DCAF12: variants seen among roughly 807,000 people sequenced by gnomAD.
The protein encoded by DCAF12 is DDB1 and CUL4 associated factor 12.
DCAF12 carries 28 observed loss-of-function variants against 52.8 expected under a neutral mutation model. The ratio of observed to expected loss-of-function variants is 0.53; its 90% CI spans 0.39 to 0.73. The LOEUF (loss-of-function observed/expected upper bound fraction) is 0.73. DCAF12 is among the 30% of genes least tolerant of loss of function. DCAF12 has a pLI of 0.00. For synonymous variants in DCAF12, 196 were observed against 215.5 expected, an observed-to-expected ratio of 0.91 and a Z score of 0.79; for missense variants, 425 against 552.2, an observed-to-expected ratio of 0.77 and a Z score of 2.31.
At position 34,098,337 on chromosome 9, in the gene DCAF12, T is replaced by C; in HGVS notation, c.782A>G (p.Asn261Ser). The change falls in exon 5 of 9, where the codon AAC (asparagine) becomes AGC (serine). Residue 261 changes from asparagine to serine, a missense_variant. Transcript: ENST00000361264. ...ACAAGTTCATACCTTGTTCTTGTTGTTGAAGGCCAGAGCCCGAACCTTGCA... is the reference window on the plus strand; with the variant it reads ...ACAAGTTCATACCTTGTTCTTGTTGCTGAAGGCCAGAGCCCGAACCTTGCA... ...DNCKVRALAFNNKNKELGAVS... is the reference protein window; with the variant it reads ...DNCKVRALAFSNKNKELGAVS... 1 of 1,614,018 alleles carries C rather than the reference T, an allele frequency of 6.2e-7. No individual in the cohort carries two copies. Among genetic ancestry groups the C allele is most frequent in the Non-Finnish European group, 8.5e-7 (1 of 1,179,960 alleles).
At chr9:34,101,958 G>A (rs527963117) in intron 4 of DCAF12, among the ~76,000 whole-genome samples, 31 of 151,078 alleles carry the variant, frequency 2.1e-4, no homozygotes, top group African/African-American at 6.6e-4. Context: ...AGAAGTTGCA[G>A]TGAGCTGAAA....
chr9:34,108,804 A>AAAT (rs1410904584), intron 2 of DCAF12, among the ~76,000 whole-genome samples: 12 of 117,986 alleles, frequency 1.0e-4, no homozygotes, highest in African/African-American at 3.7e-4. Flanking sequence ...AAAAAAAATA[A>AAAT]ATAAATAAAT....
intron 4 of DCAF12, among the ~76,000 whole-genome samples, chr9:34,105,364 T>C (rs995254769): frequency 1.4e-4 from 21 of 152,110 alleles, no homozygotes; most frequent in African/African-American, 4.3e-4. Flanking sequence ...AGTTCAAGGC[T>C]GCAGTGAGCC....
chr9:34,110,539 A>T (rs760792360), intron 2 of DCAF12, among the ~76,000 whole-genome samples: 1 of 152,194 alleles, frequency 6.6e-6, no homozygotes, highest in Non-Finnish European at 1.5e-5. Context: ...CCAGTCCCCA[A>T]CTAAAAAACA....
In DCAF12 at chr9:34,086,797, T is replaced by C. The variant is rs76839219; in HGVS notation, c.*1553A>G. On this transcript the variant is annotated 3_prime_UTR_variant, in exon 9 of 9. Coordinates refer to ENST00000361264, the MANE Select transcript of DCAF12 (RefSeq NM_015397.4). ...GCCCCCCACCATTAAAAGGAGAATA[T>C]ATATATAATTTTTTTTCCAATTTCC... 6.6e-6 allele frequency: 1 copy of C among 152,040 alleles called. No homozygotes were observed. Among genetic ancestry groups the C allele is most frequent in the Non-Finnish European group, 1.5e-5 (1 of 68,006 alleles). 9.4% of individuals were successfully genotyped at this position (152,040 alleles called of 1,614,324 possible).
At chr9:34,091,599 CTTTCCTCCAGCCTGGCTGATAGAGTGAG>C (rs1254573287) in intron 7 of DCAF12, among the ~76,000 whole-genome samples, 1 of 129,766 alleles carries the variant, frequency 7.7e-6, no homozygotes, top group African/African-American at 2.9e-5. Flanking sequence ...GATTGCACCA[CTTTCCTCCAGCCTGGCTGATAGAGTGAG>C]GACCCTGTCT....
intron 8 of DCAF12, among the ~76,000 whole-genome samples, chr9:34,088,836 G>A (rs1292928981): frequency 2.6e-5 from 4 of 152,116 alleles, no homozygotes; most frequent in African/African-American, 9.7e-5. Flanking sequence ...GAGGTGGGGC[G>A]CAGTGGTTCA....
chr9:34,091,704 C>A (rs1257608302), intron 7 of DCAF12, among the ~76,000 whole-genome samples: 1 of 147,956 alleles, frequency 6.8e-6, no homozygotes, highest in African/African-American at 2.5e-5. Context: ...AGTATCTGCA[C>A]AGGAATAAAC....
At chr9:34,120,686 A>C (rs932588889) in intron 2 of DCAF12, among the ~76,000 whole-genome samples, 21 of 148,588 alleles carry the variant, frequency 1.4e-4, no homozygotes, top group Non-Finnish European at 2.7e-4. Context: ...AAAAAAAAAA[A>C]AGAAAACAAA....
chr9:34,124,015 T>A (rs1012016267), intron 2 of DCAF12, among the ~76,000 whole-genome samples: 3 of 152,324 alleles, frequency 2.0e-5, no homozygotes, highest in Middle Eastern at 3.4e-3. Context: ...AATTTTTGCC[T>A]ATGTCCTTTA....
chr9:34,115,913 C>A (rs917116655), intron 2 of DCAF12, among the ~76,000 whole-genome samples: 1 of 152,130 alleles, frequency 6.6e-6, no homozygotes, highest in African/African-American at 2.4e-5. Flanking sequence ...TAGTTCACTG[C>A]ATGAATATAC....
chr9:34,103,971 T>C (rs1370753444), intron 4 of DCAF12, among the ~76,000 whole-genome samples: 1 of 151,956 alleles, frequency 6.6e-6, no homozygotes, highest in Non-Finnish European at 1.5e-5. Flanking sequence ...GAACACTTCA[T>C]AGAAAAAAAC....
chr9:34,091,225 G>A (rs1436054668), intron 7 of DCAF12, among the ~76,000 whole-genome samples: 2 of 151,960 alleles, frequency 1.3e-5, no homozygotes, highest in African/African-American at 4.8e-5. Flanking sequence ...TACTCAGGAG[G>A]CTAAGGCAGG....
At chr9:34,125,305 C>A (rs773756188) in intron 1 of DCAF12, 28 bp from the exon 2 acceptor site, 1 of 1,610,776 alleles carries the variant, frequency 6.2e-7, no homozygotes, top group Middle Eastern at 1.7e-4. Flanking sequence ...GAAATCAGGG[C>A]TTTGGCTACT....
intron 2 of DCAF12, among the ~76,000 whole-genome samples, chr9:34,121,868 A>G (rs902167657): frequency 3.3e-5 from 5 of 152,126 alleles, no homozygotes; most frequent in Non-Finnish European, 5.9e-5. Flanking sequence ...GATTGAACCC[A>G]GGAGGCAGAG....
intron 7 of DCAF12, 115 bp downstream of exon 7, chr9:34,093,163 TGAACACAC>T: frequency 7.7e-7 from 1 of 1,296,836 alleles, no homozygotes; most frequent in Non-Finnish European, 1.1e-6. Context: ...CTCCCCTTTT[TGAACACAC>T]TTCCAAATGT....
intron 2 of DCAF12, among the ~76,000 whole-genome samples, chr9:34,122,193 C>T (rs999159836): frequency 6.6e-6 from 1 of 152,124 alleles, no homozygotes; most frequent in East Asian, 1.9e-4. Context: ...CACCACCCCC[C>T]CAAAATCTTG....
At chr9:34,097,193 C>T (rs1432134627) in intron 5 of DCAF12, among the ~76,000 whole-genome samples, 2 of 150,826 alleles carry the variant, frequency 1.3e-5, no homozygotes, top group African/African-American at 2.4e-5. Context: ...ACCCTTCAAA[C>T]TGTGGCCTGA....
At chr9:34,103,717 T>G (rs1828864830) in intron 4 of DCAF12, among the ~76,000 whole-genome samples, 1 of 151,898 alleles carries the variant, frequency 6.6e-6, no homozygotes, top group South Asian at 2.1e-4. Flanking sequence ...TAACCGGGTG[T>G]GGTGGTGTGT....
Sources: gnomAD v4.1 joint callset for allele counts (sites outside exome capture counted in the v4.1 genomes callset) on GRCh38, gnomAD v4.1.1 for gene constraint, MANE v1.5 for transcripts, NCBI Gene and HGNC (gene_info 2026-07-23, HGNC 2026-07-21) for gene names.